The following EGF variants were observed in gnomAD, a reference collection of about 807,000 sequenced individuals.
EGF encodes the protein pro-epidermal growth factor.
A neutral mutation model predicts 143.8 loss-of-function variants in EGF; 95 were observed. The ratio of observed to expected loss-of-function variants is 0.66; its 90% CI spans 0.56 to 0.78. The LOEUF is 0.78. Among genes scored for constraint, EGF ranks in the 30% least tolerant of loss-of-function variants. The pLI is 0.00. For missense variants in EGF, 1,320 were observed against 1,470.9 expected (o/e 0.90, Z 1.68); for synonymous variants, 510 against 510.5 (o/e 1.00, Z 0.01).
intron 16 of EGF, 127 bp downstream of exon 16, chr4:109,983,668 C>A: frequency 7.7e-7 from 1 of 1,304,578 alleles, no homozygotes; most frequent in Non-Finnish European, 1.1e-6. Context: ...GAAACCAAAC[C>A]TTGGACTCAA....
chr4:110,002,380 C>T (rs114384913), intron 21 of EGF, among the ~76,000 whole-genome samples: 3,259 of 152,200 alleles, frequency 0.021, 126 homozygotes, highest in African/African-American at 0.075. Context: ...ATAGTACCAC[C>T]TACTTGGGAG....
chr4:110,000,250 CAAAAAAAAAA>C (rs754279332), intron 21 of EGF, among the ~76,000 whole-genome samples: 1 of 94,030 alleles, frequency 1.1e-5, no homozygotes, highest in South Asian at 3.3e-4. Flanking sequence ...GACTCCGTGT[CAAAAAAAAAA>C]AAAAAAAAAA....
chr4:109,928,344 C>A (rs1217201385), intron 1 of EGF, among the ~76,000 whole-genome samples: 3 of 152,080 alleles, frequency 2.0e-5, no homozygotes, highest in Non-Finnish European at 1.5e-5. Context: ...GGTTCCAGGT[C>A]ACAGAAAGTT....
At chr4:109,998,462 C>T (rs1361978115) in intron 20 of EGF, among the ~76,000 whole-genome samples, 1 of 152,242 alleles carries the variant, frequency 6.6e-6, no homozygotes, top group Non-Finnish European at 1.5e-5. Flanking sequence ...AAACCTGTCA[C>T]TCATAGCTGT....
intron 1 of EGF, among the ~76,000 whole-genome samples, chr4:109,920,817 G>A (rs1347086842): frequency 6.6e-6 from 1 of 151,604 alleles, no homozygotes; most frequent in South Asian, 2.1e-4. Context: ...CTTTCCTCCA[G>A]AATGCTAATA....
Position 109,983,437 on chromosome 4 carries a change from T to G in EGF, c.2387T>G (p.Leu796Arg). 1.2e-6 allele frequency: 2 copies of G among 1,613,644 alleles called. No homozygotes were observed. Among genetic ancestry groups the G allele is most frequent in the South Asian group, 2.2e-5 (2 of 91,068 alleles). ...CCTTCAATAGGTGGTGAAGTTGATC[T>G]AAAGAACCAAGTAACACCATTGGAC... Reference protein sequence around the residue: ...HQLLAGGEVDLKNQVTPLDIL... With the variant: ...HQLLAGGEVDRKNQVTPLDIL... The change falls in exon 16 of 24, where the codon CTA becomes CGA. Residue 796 changes from leucine to arginine, a missense_variant. By Grantham distance (102) the Leu-to-Arg change is moderately radical (BLOSUM62 -2). Around this residue, in one of 5 missense-constraint regions of EGF, gnomAD observed 1,186 missense variants for 1,313.7 expected, o/e 0.90. Coordinates refer to ENST00000265171, the MANE Select transcript of EGF (RefSeq NM_001963.6).
In EGF at chr4:109,964,446, A is replaced by G. The variant is rs750318450; in HGVS notation, c.1484A>G (p.His495Arg). The G allele has an allele frequency of 6.3e-5, 101 of 1,613,910 alleles. 3 individuals carry two copies. In the Admixed American group the frequency reaches 1.5e-3, roughly 24 times the overall value. Residue 495 changes from histidine (H) to arginine (R), a missense_variant, in exon 10 of 24, where the codon CAC (histidine) becomes CGC (arginine). Coordinates refer to ENST00000265171, the MANE Select transcript of EGF (RefSeq NM_001963.6). The part of the protein sequence containing the change: ...LLFANSQDIR[H>R]MHFDGTDYGT... ...TTTGCCAATTCTCAAGATATTCGAC[A>G]CATGCATTTTGATGGAACAGACTAT...
intron 20 of EGF, 76 bp downstream of exon 20, chr4:109,994,956 A>G: frequency 6.3e-7 from 1 of 1,593,098 alleles, no homozygotes; most frequent in Non-Finnish European, 8.6e-7. Context: ...TGTAAAATTT[A>G]CACTCAGGAT....
At chr4:109,993,221 C>T (rs1165903000) in intron 18 of EGF, 26 bp from the exon 19 acceptor site, 2 of 1,612,952 alleles carry the variant, frequency 1.2e-6, no homozygotes, top group Non-Finnish European at 1.7e-6. Context: ...CCACTTTTCT[C>T]TCCCGTACTC....
chr4:109,979,693 C>T (rs537327101), intron 13 of EGF, among the ~76,000 whole-genome samples: 6 of 152,234 alleles, frequency 3.9e-5, no homozygotes, highest in South Asian at 2.1e-4. Flanking sequence ...GGGGCTAGGA[C>T]GACAATCAGC....
intron 1 of EGF, among the ~76,000 whole-genome samples, chr4:109,919,513 A>G (rs1338805629): frequency 6.6e-6 from 1 of 152,122 alleles, no homozygotes; most frequent in Non-Finnish European, 1.5e-5. Context: ...AGACTTTAAC[A>G]GGTCTGGTCA....
chr4:109,947,509 T>C (rs1353143984), intron 5 of EGF, among the ~76,000 whole-genome samples: 1 of 152,150 alleles, frequency 6.6e-6, no homozygotes, highest in African/African-American at 2.4e-5. Context: ...CCACATTAAA[T>C]AGCAACAACC....
intron 22 of EGF, among the ~76,000 whole-genome samples, chr4:110,005,649 A>AG (rs889299158): frequency 6.6e-6 from 1 of 152,216 alleles, no homozygotes; most frequent in African/African-American, 2.4e-5. Context: ...GGAACACTAG[A>AG]GGGCAGTCTT....
chr4:109,963,384 T>C (rs1746028919), intron 9 of EGF, 86 bp downstream of exon 9: 2 of 1,562,676 alleles, frequency 1.3e-6, no homozygotes. Flanking sequence ...GTTAACTGCT[T>C]ATGGTTTTGT....
intron 23 of EGF, among the ~76,000 whole-genome samples, chr4:110,008,861 T>G (rs1753654949): frequency 6.6e-6 from 1 of 152,174 alleles, no homozygotes; most frequent in East Asian, 1.9e-4. Flanking sequence ...CCTTTTGGTT[T>G]TGGGTCTCAG....
chr4:110,010,545 A>G (rs1348454617), intron 23 of EGF, among the ~76,000 whole-genome samples: 1 of 152,152 alleles, frequency 6.6e-6, no homozygotes, highest in Non-Finnish European at 1.5e-5. Flanking sequence ...TGGCCTCCCC[A>G]GGCTCAAGCA....
At chr4:109,935,990 A>G (rs1411318817) in intron 1 of EGF, among the ~76,000 whole-genome samples, 4 of 152,112 alleles carry the variant, frequency 2.6e-5, no homozygotes, top group Admixed American at 2.0e-4. Context: ...CATCAGGGAT[A>G]TTGGCCTAAA....
chr4:109,957,034 C>T (rs866638690), intron 5 of EGF, among the ~76,000 whole-genome samples: 1 of 152,114 alleles, frequency 6.6e-6, no homozygotes, highest in African/African-American at 2.4e-5. Context: ...ATCAGAATCT[C>T]TAGAGGGTGG....
chr4:109,954,094 C>T, intron 5 of EGF, among the ~76,000 whole-genome samples: 1 of 152,170 alleles, frequency 6.6e-6, no homozygotes, highest in Non-Finnish European at 1.5e-5. Context: ...CTCTGTCACC[C>T]ATGCTGGAGT....
Sources: gnomAD v4.1 joint callset for allele counts (sites outside exome capture counted in the v4.1 genomes callset) on GRCh38, gnomAD v4.1.1 for gene constraint, gnomAD v4.1.1 regional missense constraint, MANE v1.5 for transcripts, NCBI Gene and HGNC (gene_info 2026-07-23, HGNC 2026-07-21) for gene names.